NBAS: variants seen among roughly 807,000 people sequenced by gnomAD.
NBAS encodes NAG/BC035112 fusion.
In NBAS, 219 loss-of-function variants were observed where a neutral mutation model predicts 302.5. That is an observed-to-expected ratio of 0.72 (90% CI 0.65 to 0.81). NBAS has a LOEUF of 0.81. NBAS is among the 30% of genes least tolerant of loss of function. NBAS has a pLI of 0.00. For missense variants in NBAS, 2,932 were observed against 2,841.6 expected, an observed-to-expected ratio of 1.03 and a Z score of -0.72; for synonymous variants, 1,118 against 1,021.6, an observed-to-expected ratio of 1.09 and a Z score of -1.80.
the NBAS span, among the ~76,000 whole-genome samples, chr2:14,918,512 G>T: frequency 6.6e-6 from 1 of 152,334 alleles, no homozygotes; most frequent in African/African-American, 2.4e-5. Flanking sequence ...GCAGAGAAGG[G>T]ATTGTACAGA....
At chr2:15,542,510 G>A (rs11681790) in intron 6 of NBAS, among the ~76,000 whole-genome samples, 3 of 134,116 alleles carry the variant, frequency 2.2e-5, no homozygotes, top group Admixed American at 1.5e-4. Context: ...CAGGGTCCTC[G>A]GCCTAGGAAA....
Position 15,391,341 on chromosome 2 carries a change from A to G in NBAS, c.3257+2886T>C, listed in dbSNP as rs149330237. Among the ~76,000 whole-genome samples the G allele has an allele frequency of 1.4e-3, 217 of 150,570 alleles. 3 individuals carry two copies. Among genetic ancestry groups the G allele is most frequent in the African/African-American group, 5.1e-3 (210 of 40,892 alleles). The stretch of plus-strand genomic sequence containing the variant: ...ACGTTCAAAAAGTTAATGAGGCATG[A>G]AAGTTTAATAAAAACCAAAATTGAA... On this transcript the variant is annotated intron_variant, in intron 28 of 51. Coordinates refer to ENST00000281513, the MANE Select transcript of NBAS (RefSeq NM_015909.4).
intron 44 of NBAS, among the ~76,000 whole-genome samples, chr2:15,270,500 T>C (rs1669267712): frequency 6.6e-6 from 1 of 152,198 alleles, no homozygotes; most frequent in Non-Finnish European, 1.5e-5. Context: ...TTATTAGATA[T>C]AACCTTCATA....
chr2:14,926,010 C>A, the NBAS span, among the ~76,000 whole-genome samples: 1 of 152,210 alleles, frequency 6.6e-6, no homozygotes, highest in African/African-American at 2.4e-5. Flanking sequence ...TTAATTGCTG[C>A]TTCTCCTGAT....
chr2:15,220,774 G>T (rs1236024476), intron 47 of NBAS, among the ~76,000 whole-genome samples: 1 of 152,090 alleles, frequency 6.6e-6, no homozygotes, highest in African/African-American at 2.4e-5. Context: ...ATCCTTATAA[G>T]GCTTTTAGCT....
chr2:15,253,193 G>A (rs1458612937), intron 44 of NBAS, among the ~76,000 whole-genome samples: 1 of 152,150 alleles, frequency 6.6e-6, no homozygotes, highest in African/African-American at 2.4e-5. Flanking sequence ...AGTAGCTCAT[G>A]ACCGCAAGAT....
intron 44 of NBAS, among the ~76,000 whole-genome samples, chr2:15,264,890 T>C (rs895681727): frequency 6.6e-5 from 10 of 152,334 alleles, no homozygotes; most frequent in Admixed American, 2.0e-4. Flanking sequence ...GAGTGCAGCC[T>C]GAGTGCCTAG....
chr2:14,844,359 T>C, the NBAS span, among the ~76,000 whole-genome samples: 2 of 152,126 alleles, frequency 1.3e-5, no homozygotes, highest in African/African-American at 4.8e-5. Context: ...GGACTCATAA[T>C]GACTAAAGAG....
chr2:14,790,886 G>A, the NBAS span, among the ~76,000 whole-genome samples: 6 of 150,514 alleles, frequency 4.0e-5, no homozygotes, highest in Non-Finnish European at 7.4e-5. Context: ...ATAGAGTTTC[G>A]CTCTTGTTGC....
chr2:14,937,340 A>G, the NBAS span, among the ~76,000 whole-genome samples: 1 of 152,214 alleles, frequency 6.6e-6, no homozygotes, highest in African/African-American at 2.4e-5. Flanking sequence ...GTCCTGTGAG[A>G]CAGAACAACC....
chr2:15,382,112 A>G (rs1558289056), intron 29 of NBAS, among the ~76,000 whole-genome samples: 3 of 152,188 alleles, frequency 2.0e-5, no homozygotes, highest in African/African-American at 7.2e-5. Flanking sequence ...AAATATATAT[A>G]TATTGGTAAA....
At chr2:15,472,535 T>C (rs373194213) in intron 16 of NBAS, among the ~76,000 whole-genome samples, 2 of 152,158 alleles carry the variant, frequency 1.3e-5, no homozygotes, top group East Asian at 3.9e-4. Flanking sequence ...GGTTTCCTGC[T>C]TCCTAGTCCC....
At chr2:15,026,967 C>T in the NBAS span, among the ~76,000 whole-genome samples, 1 of 152,166 alleles carries the variant, frequency 6.6e-6, no homozygotes, top group South Asian at 2.1e-4. Context: ...ATTTATTTTT[C>T]CATTCATAAA....
At chr2:15,400,380 G>A (rs1266474299) in intron 26 of NBAS, among the ~76,000 whole-genome samples, 10 of 152,154 alleles carry the variant, frequency 6.6e-5, no homozygotes, top group Middle Eastern at 3.4e-3. Flanking sequence ...GTATTAAAAG[G>A]AAAATAAATC....
At chr2:15,117,094 A>T in the NBAS span, among the ~76,000 whole-genome samples, 5 of 152,232 alleles carry the variant, frequency 3.3e-5, no homozygotes, top group Admixed American at 6.5e-5. Flanking sequence ...TACGTATCAG[A>T]TCTTACATGG....
the NBAS span, among the ~76,000 whole-genome samples, chr2:15,121,238 T>C: frequency 7.9e-3 from 1,196 of 152,330 alleles, 12 homozygotes; most frequent in African/African-American, 0.027. Flanking sequence ...AAGCATACTA[T>C]ATCTTTTATC....
At chr2:15,259,342 T>C (rs938972656) in intron 44 of NBAS, among the ~76,000 whole-genome samples, 3 of 152,184 alleles carry the variant, frequency 2.0e-5, no homozygotes, top group African/African-American at 7.2e-5. Flanking sequence ...ATTAATACGC[T>C]TGACCAAATT....
At chr2:15,425,073 C>A (rs527620126) in intron 22 of NBAS, among the ~76,000 whole-genome samples, 9 of 151,874 alleles carry the variant, frequency 5.9e-5, no homozygotes, top group African/African-American at 2.2e-4. Context: ...TTTGGAGGAA[C>A]ACACACAGGG....
intron 9 of NBAS, among the ~76,000 whole-genome samples, chr2:15,516,007 A>G (rs1481351027): frequency 1.3e-5 from 2 of 152,172 alleles, no homozygotes; most frequent in Non-Finnish European, 2.9e-5. Flanking sequence ...ACGGCAATGG[A>G]GGCAGGGAAA....
Sources: allele counts gnomAD v4.1 joint callset (sites outside exome capture counted in the v4.1 genomes callset), GRCh38; gene constraint gnomAD v4.1.1; transcripts MANE v1.5; gene names NCBI Gene and HGNC (gene_info 2026-07-23, HGNC 2026-07-21).